NEGR1: variants seen among roughly 807,000 people sequenced by gnomAD.
NEGR1 encodes the protein neuronal growth regulator 1, also known as IgLON family member 4.
A neutral mutation model predicts 40.9 loss-of-function variants in NEGR1; 10 were observed. The ratio of observed to expected loss-of-function variants is 0.24; its 90% CI spans 0.15 to 0.42. The LOEUF is 0.42. Ranked by LOEUF, NEGR1 falls within the 10% of genes least tolerant of loss-of-function variation. The pLI is 1.00. For synonymous variants in NEGR1, 185 were observed against 166.8 expected (o/e 1.11, Z -0.84); for missense variants, 352 against 438.9 (o/e 0.80, Z 1.77).
At chr1:71,620,308 A>C (rs951226466) in intron 4 of NEGR1, among the ~76,000 whole-genome samples, 1 of 152,028 alleles carries the variant, frequency 6.6e-6, no homozygotes. Context: ...GTGGAAAATA[A>C]GCATGTTGAC....
At chr1:71,520,148 C>G (rs902603908) in intron 6 of NEGR1, among the ~76,000 whole-genome samples, 2 of 152,054 alleles carry the variant, frequency 1.3e-5, no homozygotes, top group Admixed American at 1.3e-4. Context: ...CTTATTAGCT[C>G]TCTCAGCTTC....
intron 2 of NEGR1, among the ~76,000 whole-genome samples, chr1:71,782,252 T>C (rs1656742703): frequency 6.6e-6 from 1 of 152,098 alleles, no homozygotes; most frequent in Admixed American, 6.6e-5. Context: ...TGAGAAAGTG[T>C]CATCCATGAG....
chr1:71,509,430 A>C (rs1043423067), intron 6 of NEGR1, among the ~76,000 whole-genome samples: 1 of 152,222 alleles, frequency 6.6e-6, no homozygotes, highest in Non-Finnish European at 1.5e-5. Context: ...ACTTGTACCC[A>C]CATCCGACAT....
chr1:71,730,254 C>CTGCTTTGAGAGTTGA (rs1553161590), intron 3 of NEGR1, among the ~76,000 whole-genome samples: 2 of 151,912 alleles, frequency 1.3e-5, no homozygotes, highest in African/African-American at 4.8e-5. Flanking sequence ...GCAGAGGGAG[C>CTGCTTTGAGAGTTGA]TGCTTTGAGA....
At chr1:71,579,208 G>A (rs894462015) in intron 6 of NEGR1, among the ~76,000 whole-genome samples, 1 of 152,066 alleles carries the variant, frequency 6.6e-6, no homozygotes, top group Non-Finnish European at 1.5e-5. Context: ...ACCTGTAATT[G>A]CCCTCTGTGT....
intron 1 of NEGR1, among the ~76,000 whole-genome samples, chr1:72,115,420 T>C (rs1361626121): frequency 6.6e-6 from 1 of 151,680 alleles, no homozygotes; most frequent in East Asian, 1.9e-4. Flanking sequence ...CCTACAATTG[T>C]GTAGAAAGTC....
At chr1:71,522,757 G>A (rs900025754) in intron 6 of NEGR1, among the ~76,000 whole-genome samples, 21 of 93,562 alleles carry the variant, frequency 2.2e-4, no homozygotes, top group Non-Finnish European at 4.2e-4. Context: ...ACACACACAC[G>A]CACAATACTT....
chr1:71,498,720 A>G (rs1646981087), intron 6 of NEGR1, among the ~76,000 whole-genome samples: 1 of 152,164 alleles, frequency 6.6e-6, no homozygotes, highest in Non-Finnish European at 1.5e-5. Flanking sequence ...GTCATTTCCA[A>G]GAGCTAATTT....
chr1:72,068,630 G>T (rs926388566), intron 1 of NEGR1, among the ~76,000 whole-genome samples: 20 of 152,108 alleles, frequency 1.3e-4, no homozygotes, highest in African/African-American at 4.8e-4. Context: ...TTCTACCTCA[G>T]TGTTTTAAAA....
chr1:71,730,944 G>C (rs867431790), intron 3 of NEGR1, among the ~76,000 whole-genome samples: 43 of 147,878 alleles, frequency 2.9e-4, no homozygotes, highest in African/African-American at 1.0e-3. Context: ...ATTATACAAA[G>C]AAATTACCAT....
chr1:71,540,563 G>A (rs1647657131), intron 6 of NEGR1, among the ~76,000 whole-genome samples: 1 of 151,596 alleles, frequency 6.6e-6, no homozygotes, highest in Non-Finnish European at 1.5e-5. Context: ...ATCTCCAAGG[G>A]CTTAGCAAAA....
chr1:72,227,328 G>C (rs1654224079), intron 1 of NEGR1, among the ~76,000 whole-genome samples: 1 of 151,966 alleles, frequency 6.6e-6, no homozygotes, highest in South Asian at 2.1e-4. Flanking sequence ...GCTATTCCTA[G>C]AGTCCTCTAG....
chr1:71,833,209 T>C (rs1457079095), intron 2 of NEGR1, among the ~76,000 whole-genome samples: 1 of 152,046 alleles, frequency 6.6e-6, no homozygotes. Flanking sequence ...GAAATATAAG[T>C]CAAATGCATT....
rs114859432 is a variant in NEGR1, at chr1:71,573,796, A to C, written c.940+19021T>G. Among the ~76,000 whole-genome samples the C allele has an allele frequency of 5.0e-3, 764 of 152,296 alleles. 2 individuals carry two copies. The highest frequency in any genetic ancestry group is 8.3e-3 in the Non-Finnish European group (564 of 68,014). On this transcript the variant is annotated intron_variant, in intron 6 of 6. Transcript: ENST00000357731. ...CAAGAAAGACTCTCTAGACTTTTGA[A>C]ATCGAAGCCCAGAATCTAGATTATG...
chr1:71,400,799 G>C lies in NEGR1; in HGVS notation c.*6647C>G, dbSNP rs188071304. ...TGTAATCCCAGCACTTTAGGAGGCC[G>C]AGGGAAGTGGATCACTTGAGGTCAG... On this transcript the variant is annotated 3_prime_UTR_variant, in exon 7 of 7. Transcript: ENST00000357731. The C allele has an allele frequency of 6.6e-6, 1 of 152,170 alleles. No homozygotes were observed. Among genetic ancestry groups the C allele is most frequent in the South Asian group, 2.1e-4 (1 of 4,836 alleles). 9.4% of individuals were successfully genotyped at this position (152,170 alleles called of 1,614,324 possible).
chr1:72,007,921 T>C (rs1459664488), intron 1 of NEGR1, among the ~76,000 whole-genome samples: 1 of 152,100 alleles, frequency 6.6e-6, no homozygotes, highest in African/African-American at 2.4e-5. Flanking sequence ...TGGGTAATAA[T>C]GAGGCATATG....
intron 2 of NEGR1, among the ~76,000 whole-genome samples, chr1:71,845,596 T>A (rs1316468144): frequency 2.6e-5 from 4 of 152,126 alleles, no homozygotes; most frequent in African/African-American, 9.7e-5. Flanking sequence ...TTCAGCCAAT[T>A]TTCACCACAA....
intron 4 of NEGR1, among the ~76,000 whole-genome samples, chr1:71,676,735 A>G (rs1439903650): frequency 6.6e-6 from 1 of 152,220 alleles, no homozygotes; most frequent in African/African-American, 2.4e-5. Flanking sequence ...ACAGATAAAA[A>G]TGTCAAATAA....
intron 3 of NEGR1, among the ~76,000 whole-genome samples, chr1:71,712,698 G>C (rs1159825214): frequency 6.6e-6 from 1 of 152,092 alleles, no homozygotes; most frequent in Admixed American, 6.5e-5. Flanking sequence ...GTTTGGATTT[G>C]AGTCCCTGGT....
Sources: allele counts gnomAD v4.1 joint callset (sites outside exome capture counted in the v4.1 genomes callset), GRCh38; gene constraint gnomAD v4.1.1; transcripts MANE v1.5; gene names NCBI Gene and HGNC (gene_info 2026-07-23, HGNC 2026-07-21).